Variants in CPEB3 observed in about 807,000 individuals in gnomAD.
The protein encoded by CPEB3 is cytoplasmic polyadenylation element binding protein 3.
CPEB3 carries 20 observed loss-of-function variants against 67.2 expected under a neutral mutation model. That is an observed-to-expected ratio of 0.30 (90% CI 0.21 to 0.43). The LOEUF (loss-of-function observed/expected upper bound fraction) is 0.43, where lower values mean the gene tolerates loss of function less well. CPEB3 is among the 20% of genes least tolerant of loss of function. CPEB3 has a pLI of 1.00. For missense variants in CPEB3, 746 were observed against 968.6 expected (o/e 0.77, Z 3.05); for synonymous variants, 376 against 393.1 (o/e 0.96, Z 0.51).
intron 6 of CPEB3, chr10:92,138,515 A>G (rs1234282965): frequency 2.0e-5 from 3 of 152,190 alleles, no homozygotes; most frequent in Non-Finnish European, 4.4e-5. Flanking sequence ...AGGCAAAAAA[A>G]AAAAAAAAAG....
At chr10:92,219,960 C>A (rs1396785642) in intron 2 of CPEB3, among the ~76,000 whole-genome samples, 1 of 152,174 alleles carries the variant, frequency 6.6e-6, no homozygotes, top group Non-Finnish European at 1.5e-5. Context: ...GAGTTCGATA[C>A]CAGCCTGGCC....
At chr10:92,227,140 A>G (rs1851014954) in intron 2 of CPEB3, among the ~76,000 whole-genome samples, 1 of 152,192 alleles carries the variant, frequency 6.6e-6, no homozygotes, top group Non-Finnish European at 1.5e-5. Context: ...ACAAAAGGTC[A>G]GGGAGACTGC....
At chr10:92,052,854 A>T (rs900490751) in intron 9 of CPEB3, among the ~76,000 whole-genome samples, 5 of 152,228 alleles carry the variant, frequency 3.3e-5, no homozygotes, top group African/African-American at 1.2e-4. Flanking sequence ...CTGACAATGC[A>T]GGCAAAGAAG....
chr10:92,267,224 T>C (rs1318933361), intron 1 of CPEB3, among the ~76,000 whole-genome samples: 1 of 152,220 alleles, frequency 6.6e-6, no homozygotes, highest in East Asian at 1.9e-4. Flanking sequence ...GTAAATATTT[T>C]AGGCTTTGTT....
chr10:92,237,021 A>C (rs1444408428), intron 2 of CPEB3, among the ~76,000 whole-genome samples: 1 of 152,254 alleles, frequency 6.6e-6, no homozygotes, highest in Non-Finnish European at 1.5e-5. Flanking sequence ...TGCCAGAATA[A>C]ATATTTTGAA....
chr10:92,083,337 A>G (rs1843233792), intron 8 of CPEB3, among the ~76,000 whole-genome samples: 1 of 152,244 alleles, frequency 6.6e-6, no homozygotes, highest in Non-Finnish European at 1.5e-5. Flanking sequence ...ATATCAGCCA[A>G]GGGAGAATTG....
In CPEB3 at chr10:92,237,512, T is replaced by C. The variant is rs568373456; in HGVS notation, c.1005+1834A>G. ...CAATATCAGGTTTGACGAAACTATG[T>C]GGATTTAATCTCTCCCTAATCCCCA... On this transcript the variant is annotated intron_variant, in intron 2 of 9. Transcript: ENST00000265997. Among the ~76,000 whole-genome samples, 395 of 152,270 alleles carry C rather than the reference T, an allele frequency of 2.6e-3. 3 individuals carry two copies. The highest frequency in any genetic ancestry group is 3.9e-3 in the Non-Finnish European group (264 of 68,018).
At chr10:92,218,409 AACAAACAAACAG>A (rs902401639) in intron 2 of CPEB3, among the ~76,000 whole-genome samples, 9 of 152,170 alleles carry the variant, frequency 5.9e-5, no homozygotes, top group African/African-American at 2.2e-4. Context: ...TCCATCTCAA[AACAAACAAACAG>A]ACAAACAAAC....
chr10:92,183,980 C>G (rs1848575506), intron 3 of CPEB3, among the ~76,000 whole-genome samples: 1 of 152,088 alleles, frequency 6.6e-6, no homozygotes, highest in Admixed American at 6.5e-5. Context: ...AAAGGGGTAC[C>G]CTTTTTGTCC....
intron 6 of CPEB3, among the ~76,000 whole-genome samples, chr10:92,124,061 C>T (rs533133489): frequency 1.3e-5 from 2 of 152,294 alleles, no homozygotes; most frequent in Admixed American, 1.3e-4. Context: ...GCCAAATTTC[C>T]ACCTTCCATT....
chr10:92,250,858 A>ATTTTTTTTTTTTTT (rs1211646953), intron 1 of CPEB3, among the ~76,000 whole-genome samples: 4 of 104,120 alleles, frequency 3.8e-5, no homozygotes, highest in Non-Finnish European at 3.8e-5. Flanking sequence ...CACACAGTTA[A>ATTTTTTTTTTTTTT]TTTTTTTTTT....
chr10:92,266,045 CCCT>C (rs756583569), intron 1 of CPEB3, among the ~76,000 whole-genome samples: 3 of 152,116 alleles, frequency 2.0e-5, no homozygotes, highest in Non-Finnish European at 4.4e-5. Flanking sequence ...GAGCTTAGTG[CCCT>C]CGACATGTGA....
intron 1 of CPEB3, among the ~76,000 whole-genome samples, chr10:92,259,587 G>C (rs1318654278): frequency 8.1e-6 from 1 of 123,350 alleles, no homozygotes; most frequent in Non-Finnish European, 1.6e-5. Flanking sequence ...GGAAACAAGA[G>C]CAAAATTCCA....
At chr10:92,173,821 G>A (rs971983886) in intron 4 of CPEB3, among the ~76,000 whole-genome samples, 1 of 152,146 alleles carries the variant, frequency 6.6e-6, no homozygotes, top group Admixed American at 6.6e-5. Context: ...GGAAGTCATG[G>A]AACATTACTT....
At chr10:92,118,899 C>G in intron 6 of CPEB3, 2 of 918,914 alleles carry the variant, frequency 2.2e-6, no homozygotes, top group South Asian at 1.3e-5. Context: ...AGGGCAGGGG[C>G]CTCTCTTTTT....
At chr10:92,260,167 C>T (rs1852727827) in intron 1 of CPEB3, among the ~76,000 whole-genome samples, 2 of 152,138 alleles carry the variant, frequency 1.3e-5, no homozygotes, top group South Asian at 4.1e-4. Context: ...ATGTAATGAC[C>T]TTTCCCTGAA....
intron 9 of CPEB3, among the ~76,000 whole-genome samples, chr10:92,079,173 G>A (rs1459327771): frequency 6.6e-6 from 1 of 152,150 alleles, no homozygotes; most frequent in African/African-American, 2.4e-5. Context: ...AATGGAATCT[G>A]GTATATGACT....
At chr10:92,118,012 C>T (rs1845129748) in intron 6 of CPEB3, among the ~76,000 whole-genome samples, 1 of 152,140 alleles carries the variant, frequency 6.6e-6, no homozygotes, top group Non-Finnish European at 1.5e-5. Flanking sequence ...AGATCAGTTT[C>T]CAGAGCCCAT....
intron 2 of CPEB3, among the ~76,000 whole-genome samples, chr10:92,232,910 G>C (rs2134582890): frequency 6.6e-6 from 1 of 152,272 alleles, no homozygotes; most frequent in Admixed American, 6.5e-5. Context: ...TTTAAACAAG[G>C]CTAACCACTT....
Sources: gnomAD v4.1 joint callset for allele counts (sites outside exome capture counted in the v4.1 genomes callset) on GRCh38, gnomAD v4.1.1 for gene constraint, MANE v1.5 for transcripts, NCBI Gene and HGNC (gene_info 2026-07-23, HGNC 2026-07-21) for gene names.